The following ANKRD26 variants were observed in gnomAD, a reference collection of about 807,000 sequenced individuals.
The protein encoded by ANKRD26 is ankyrin repeat domain-containing protein 26.
In ANKRD26, 141 loss-of-function variants were observed where a neutral mutation model predicts 208.7. The observed-to-expected ratio is 0.68, with a 90% CI of 0.59 to 0.78. The LOEUF is 0.78. ANKRD26 is among the 30% of genes least tolerant of loss of function. The pLI, the probability that ANKRD26 is intolerant of heterozygous loss-of-function variation, is 0.00. For missense variants in ANKRD26, 1,889 were observed against 1,938.7 expected (o/e 0.97, Z 0.48); for synonymous variants, 636 against 660.4 (o/e 0.96, Z 0.57).
At chr10:27,044,300 C>A in intron 18 of ANKRD26, 110 bp from the exon 19 acceptor site, 2 of 985,972 alleles carry the variant, frequency 2.0e-6, no homozygotes, top group South Asian at 1.6e-5. Context: ...TTTATTTACC[C>A]TATTCATAAA....
chr10:27,071,701 T>C (rs1249418027), intron 9 of ANKRD26, among the ~76,000 whole-genome samples: 1 of 151,988 alleles, frequency 6.6e-6, no homozygotes, highest in African/African-American at 2.4e-5. Context: ...CGGGCAGCAG[T>C]GTACACGATG....
rs1052462705 is a variant in ANKRD26, at chr10:27,005,340, T to C, written c.*250A>G. The C allele has an allele frequency of 2.6e-6, 3 of 1,175,376 alleles. No homozygotes were observed. Among genetic ancestry groups the C allele is most frequent in the African/African-American group, 1.6e-5 (1 of 62,798 alleles). The allele number at this position is 1,175,376 out of a possible 1,614,324, so 72.8% of individuals were successfully genotyped here. A position where few individuals can be genotyped will look rare whatever the true frequency, so the allele number is the denominator to read the frequency against. On this transcript the variant is annotated 3_prime_UTR_variant, in exon 34 of 34. Coordinates refer to ENST00000376087, the MANE Select transcript of ANKRD26 (RefSeq NM_014915.3). ...CACTAAAGTATTAATGACAACTTAG[T>C]GGTTTGGCTGTTTAAACAGCTCACA...
At chr10:26,958,508 TG>T in the ANKRD26 span, among the ~76,000 whole-genome samples, 1 of 152,124 alleles carries the variant, frequency 6.6e-6, no homozygotes, top group Non-Finnish European at 1.5e-5. Context: ...GTGTTCCCCC[TG>T]GCATGTCCAT....
rs1034525053 is a variant in ANKRD26 at position 27,047,062 on chromosome 10, T to C, written c.1815-539A>G. On this transcript the variant is annotated intron_variant, in intron 17 of 33. Coordinates refer to ENST00000376087, the MANE Select transcript of ANKRD26 (RefSeq NM_014915.3). Reference sequence around the variant, plus strand: ...TGTGACAGTAAAAGGCTGGAGCTCATTGCCTACAAACAATGGTCTTTAGAC... The same window carrying C: ...TGTGACAGTAAAAGGCTGGAGCTCACTGCCTACAAACAATGGTCTTTAGAC... Among the ~76,000 whole-genome samples, 7 of 152,328 alleles carry C rather than the reference T, an allele frequency of 4.6e-5. No individual in the cohort carries two copies. The South Asian group carries it at 1.2e-3, about 27-fold the overall frequency.
chr10:26,950,628 G>T, the ANKRD26 span, among the ~76,000 whole-genome samples: 62 of 152,370 alleles, frequency 4.1e-4, no homozygotes, highest in Non-Finnish European at 7.1e-4. Flanking sequence ...CTCTCCATGT[G>T]AGAAGCCTGC....
chr10:27,091,640 G>A (rs1434032359), intron 4 of ANKRD26, among the ~76,000 whole-genome samples: 1 of 152,172 alleles, frequency 6.6e-6, no homozygotes, highest in Non-Finnish European at 1.5e-5. Context: ...TGAAGGAAAA[G>A]TACATAAGCA....
intron 3 of ANKRD26, among the ~76,000 whole-genome samples, chr10:26,985,719 A>AC (rs1564332381): frequency 6.6e-6 from 1 of 152,122 alleles, no homozygotes; most frequent in Non-Finnish European, 1.5e-5. Context: ...TTTATGGGTC[A>AC]CCCCAAGAAG....
intron 15 of ANKRD26, among the ~76,000 whole-genome samples, chr10:27,059,874 A>G (rs9731878): frequency 0.085 from 12,174 of 142,706 alleles, 575 homozygotes; most frequent in African/African-American, 0.14. Flanking sequence ...TAGCCTGGGC[A>G]ACAGAGTGAG....
Position 27,014,534 on chromosome 10 carries a change from C to A in ANKRD26, c.4684G>T (p.Glu1562Ter). Residue 1562 changes from glutamate (E) to a stop codon, truncating the protein, a stop_gained, in exon 31 of 34, where the codon GAA becomes TAA. Transcript: ENST00000376087. LOFTEE classifies it high-confidence loss of function. ...GACAAAGATTTTCTAACTTTTAATT[C>A]TTCTAGATAGAGTTGCTTATATTTT... Reference protein sequence around the residue: ...LEKYKQLYLEELKVRKSLSSK... With the variant: ...LEKYKQLYLE The A allele has an allele frequency of 6.3e-7, 1 of 1,595,808 alleles. No homozygotes were observed. Among genetic ancestry groups the A allele is most frequent in the Non-Finnish European group, 8.6e-7 (1 of 1,167,902 alleles).
At chr10:27,042,431 A>G (rs2054273051) in intron 20 of ANKRD26, among the ~76,000 whole-genome samples, 1 of 152,146 alleles carries the variant, frequency 6.6e-6, no homozygotes, top group Non-Finnish European at 1.5e-5. Flanking sequence ...AGCCTGGCCA[A>G]CATGATGAAA....
At chr10:27,017,424 G>C (rs2053333580) in intron 30 of ANKRD26, 78 bp downstream of exon 30, 1 of 1,483,592 alleles carries the variant, frequency 6.7e-7, no homozygotes, top group South Asian at 1.1e-5. Flanking sequence ...AAGGGATGTA[G>C]AGGAAACACA....
At position 27,060,626 on chromosome 10, in the gene ANKRD26, A is replaced by T. The variant is rs141434181; in HGVS notation, c.1463-86T>A. 118 of 1,006,836 alleles carry T rather than the reference A, an allele frequency of 1.2e-4. 2 individuals carry two copies. In the African/African-American group the frequency reaches 1.6e-3, roughly 14 times the overall value. The allele number at this position is 1,006,836 out of a possible 1,614,324, so 62.4% of individuals were successfully genotyped here. On this transcript the variant is annotated intron_variant, in intron 13 of 33. Transcript: ENST00000376087. ...TTCATGCAGTGTTAGTATGACCAGA[A>T]TCATCACGCTTGGTTTGAAAATGAT... is the stretch of plus-strand genomic sequence containing the variant.
the ANKRD26 span, among the ~76,000 whole-genome samples, chr10:26,968,073 G>T: frequency 6.6e-6 from 1 of 152,046 alleles, no homozygotes; most frequent in African/African-American, 2.4e-5. Context: ...CAACACTTCA[G>T]TGTCTTCCCA....
Position 27,080,960 on chromosome 10 carries a change from G to T in ANKRD26, c.741-1799C>A, listed in dbSNP as rs955974646. 15 of 985,230 alleles carry T rather than the reference G, an allele frequency of 1.5e-5. No individual in the cohort carries two copies. The East Asian group carries it at 6.8e-4, about 45-fold the overall frequency. 61.0% of individuals were successfully genotyped at this position (985,230 alleles called of 1,614,324 possible). On this transcript the variant is annotated intron_variant, in intron 6 of 33. Coordinates refer to ENST00000376087, the MANE Select transcript of ANKRD26 (RefSeq NM_014915.3). ...AGGAGGCAGAGGTGAGGGGACACCTGCCCTGGGCCACAGATCTATGTAGTT... is the reference window on the plus strand; with the variant it reads ...AGGAGGCAGAGGTGAGGGGACACCTTCCCTGGGCCACAGATCTATGTAGTT...
At chr10:27,093,303 C>T (rs1224978315) in intron 3 of ANKRD26, 46 bp downstream of exon 3, 1 of 1,565,826 alleles carries the variant, frequency 6.4e-7, no homozygotes, top group African/African-American at 1.4e-5. Context: ...ACTGTTGAAA[C>T]AAACGCATTT....
chr10:27,014,778 G>T, intron 30 of ANKRD26, 67 bp from the exon 31 acceptor site: 1 of 1,265,900 alleles, frequency 7.9e-7, no homozygotes, highest in Non-Finnish European at 1.1e-6. Flanking sequence ...TCACCTACTC[G>T]GTGTCTAAGG....
chr10:27,065,859 C>CTTT (rs767106612), intron 11 of ANKRD26, among the ~76,000 whole-genome samples: 1,925 of 72,156 alleles, frequency 0.027, 73 homozygotes, highest in East Asian at 0.14. Flanking sequence ...ATAATTCTTT[C>CTTT]TTTTTTTTTT....
At chr10:26,969,811 G>GT (rs34596945), downstream of ANKRD26, among the ~76,000 whole-genome samples, 437 of 136,276 alleles carry the variant, frequency 3.2e-3, no homozygotes, top group Middle Eastern at 7.5e-3. Flanking sequence ...TTTACTTTCT[G>GT]TTTTTTTTTT....
chr10:26,981,376 C>T (rs2052306144), intron 4 of ANKRD26, among the ~76,000 whole-genome samples: 1 of 152,104 alleles, frequency 6.6e-6, no homozygotes, highest in African/African-American at 2.4e-5. Context: ...GGGCTGTGTG[C>T]AATACTGATA....
Sources: gnomAD v4.1 joint callset for allele counts (sites outside exome capture counted in the v4.1 genomes callset) on GRCh38, gnomAD v4.1.1 for gene constraint, MANE v1.5 for transcripts, NCBI Gene and HGNC (gene_info 2026-07-23, HGNC 2026-07-21) for gene names.